PLB1: variants seen among roughly 807,000 people sequenced by gnomAD.
PLB1 encodes phospholipase B1.
PLB1 carries 242 observed loss-of-function variants against 227.4 expected under a neutral mutation model. The observed-to-expected ratio is 1.06, with a 90% CI of 0.96 to 1.18. The LOEUF (loss-of-function observed/expected upper bound fraction) is 1.18, where lower values mean the gene tolerates loss of function less well. Among genes scored for constraint, PLB1 ranks in the 50% most tolerant of loss-of-function variants. The pLI, the probability that PLB1 is intolerant of heterozygous loss-of-function variation, is 0.00. For synonymous variants in PLB1, 757 were observed against 682.2 expected (o/e 1.11, Z -1.71); for missense variants, 1,858 against 1,816.3 (o/e 1.02, Z -0.42).
intron 20 of PLB1, among the ~76,000 whole-genome samples, chr2:28,569,639 G>A (rs1299527462): frequency 6.6e-6 from 1 of 152,112 alleles, no homozygotes; most frequent in African/African-American, 2.4e-5. Flanking sequence ...TTCCTAGAAA[G>A]GCACAAACTA....
At position 28,540,076 on chromosome 2, in the gene PLB1, C is replaced by A. The variant is rs375962537; in HGVS notation, c.699-290C>A. Among the ~76,000 whole-genome samples, 11 of 139,004 alleles carry A rather than the reference C, an allele frequency of 7.9e-5. 1 individual carries two copies. The highest frequency in any genetic ancestry group is 2.2e-4 in the African/African-American group (8 of 36,786). The allele number at this position is 139,004 out of a possible 152,430, so 91.2% of individuals were successfully genotyped here. A position where few individuals can be genotyped will look rare whatever the true frequency, so the allele number is the denominator to read the frequency against. Reference sequence around the variant, plus strand: ...CCTACCCCCTAACCCATACCCACCCCCTAGGGAGAGCTTCCCTCCATCCCA... The same window carrying A: ...CCTACCCCCTAACCCATACCCACCCACTAGGGAGAGCTTCCCTCCATCCCA... On this transcript the variant is annotated intron_variant, in intron 11 of 57. Coordinates refer to ENST00000327757, the MANE Select transcript of PLB1 (RefSeq NM_153021.5).
At chr2:28,639,332 C>CAA (rs34467682) in intron 56 of PLB1, among the ~76,000 whole-genome samples, 28 of 125,036 alleles carry the variant, frequency 2.2e-4, no homozygotes, top group African/African-American at 8.1e-4. Flanking sequence ...AAGTTGAAGA[C>CAA]AAAAAAAAAA....
Position 28,592,720 on chromosome 2 carries a change from G to A in PLB1, c.2247+1G>A, listed in dbSNP as rs756768383. On this transcript the variant is annotated splice_donor_variant, in intron 32 of 57. Transcript: ENST00000327757. LOFTEE classifies it high-confidence loss of function. ...GGCTGCTCTGGGGGATTCTCTGACC[G>A]TAAGGACTCTTGGGCCCCAGGTGGT... 5.7e-5 allele frequency: 92 copies of A among 1,613,712 alleles called. No individual in the cohort carries two copies. Among genetic ancestry groups the A allele is most frequent in the Non-Finnish European group, 7.5e-5 (88 of 1,179,854 alleles).
At position 28,573,859 on chromosome 2, in the gene PLB1, A is replaced by C. The variant is rs1573071177; in HGVS notation, c.1433+554A>C. Among the ~76,000 whole-genome samples the C allele has an allele frequency of 2.0e-5, 3 of 152,214 alleles. No homozygotes were observed. The East Asian group carries it at 5.8e-4, about 29-fold the overall frequency. Reference sequence around the variant, plus strand: ...AAGCTCAAATGCCATATTGGATACGAAAGTTCTGGTGAGCTGTAAATAGTG... The same window carrying C: ...AAGCTCAAATGCCATATTGGATACGCAAGTTCTGGTGAGCTGTAAATAGTG... On this transcript the variant is annotated intron_variant, in intron 21 of 57. Transcript: ENST00000327757.
intron 21 of PLB1, among the ~76,000 whole-genome samples, chr2:28,574,894 C>T (rs1484349340): frequency 6.6e-6 from 1 of 152,158 alleles, no homozygotes; most frequent in Non-Finnish European, 1.5e-5. Context: ...ATATATACCA[C>T]ATTTTTTTAT....
In PLB1 at chr2:28,629,094, C is replaced by T; in HGVS notation, c.3727C>T (p.Leu1243Phe). The T allele has an allele frequency of 6.2e-7, 1 of 1,613,164 alleles. No homozygotes were observed. The highest frequency in any genetic ancestry group is 8.5e-7 in the Non-Finnish European group (1 of 1,179,488). Reference sequence around the variant, plus strand: ...CGAAACCACCCTCCACTCCCTGCAGCTCCCAAGGGCTTTCGTCAACGTGGT... The same window carrying T: ...CGAAACCACCCTCCACTCCCTGCAGTTCCCAAGGGCTTTCGTCAACGTGGT... ...QQALDILSEE[L>F]PRAFVNVVEV... The change falls in exon 53 of 58, where the codon CTC (leucine) becomes TTC (phenylalanine). Residue 1243 changes from leucine to phenylalanine, a missense_variant and splice_region_variant. By Grantham distance (22) the Leu-to-Phe change is conservative (BLOSUM62 0). Transcript: ENST00000327757.
intron 20 of PLB1, 33 bp from the exon 21 acceptor site, chr2:28,573,164 G>GTC (rs1678304680): frequency 6.5e-7 from 1 of 1,536,916 alleles, no homozygotes; most frequent in Admixed American, 1.7e-5. Flanking sequence ...CTTTGCAGTA[G>GTC]TCACTAAGCG....
chr2:28,577,124 C>T (rs1387909542), intron 21 of PLB1, among the ~76,000 whole-genome samples: 6 of 152,190 alleles, frequency 3.9e-5, no homozygotes, highest in Non-Finnish European at 8.8e-5. Flanking sequence ...TTACCATGCT[C>T]ATTTCCCAAA....
intron 17 of PLB1, among the ~76,000 whole-genome samples, chr2:28,561,313 CAAACTCA>C (rs1406105488): frequency 4.1e-5 from 1 of 24,382 alleles, no homozygotes; most frequent in African/African-American, 7.2e-5. Context: ...ACGGAATGCT[CAAACTCA>C]AAAGATAAAA....
chr2:28,602,995 C>CCT, intron 39 of PLB1, 74 bp downstream of exon 39: 1 of 1,305,910 alleles, frequency 7.7e-7, no homozygotes, highest in South Asian at 1.2e-5. Context: ...AGTGGTGATG[C>CCT]CTCAGGGTCT....
At chr2:28,501,026 A>G (rs1378606794) in intron 1 of PLB1, among the ~76,000 whole-genome samples, 1 of 152,194 alleles carries the variant, frequency 6.6e-6, no homozygotes, top group Non-Finnish European at 1.5e-5. Flanking sequence ...TTATTTAGAA[A>G]CCAAGGTCCA....
At chr2:28,529,665 G>T in intron 7 of PLB1, 63 bp from the exon 8 acceptor site, 1 of 1,524,574 alleles carries the variant, frequency 6.6e-7, no homozygotes, top group Non-Finnish European at 9.1e-7. Context: ...CAAGGGGCAA[G>T]CTTCCAGCCC....
intron 19 of PLB1, 147 bp from the exon 20 acceptor site, chr2:28,566,649 G>GT (rs987150867): frequency 1.6e-4 from 136 of 837,150 alleles, no homozygotes; most frequent in South Asian, 2.6e-4. Context: ...TGCTTTTTCC[G>GT]TTTTTCTACT....
intron 14 of PLB1, among the ~76,000 whole-genome samples, chr2:28,547,306 G>A (rs534256517): frequency 1.3e-5 from 2 of 151,802 alleles, no homozygotes; most frequent in African/African-American, 4.8e-5. Context: ...TTTGACAGCC[G>A]CCTTGAATGT....
intron 18 of PLB1, among the ~76,000 whole-genome samples, chr2:28,564,367 G>A (rs1676525739): frequency 6.6e-6 from 1 of 152,192 alleles, no homozygotes; most frequent in South Asian, 2.1e-4. Context: ...CTATCCCTAT[G>A]CTGTGGCAGC....
chr2:28,498,158 T>TTA (rs1192851958), intron 1 of PLB1, among the ~76,000 whole-genome samples: 7 of 151,920 alleles, frequency 4.6e-5, no homozygotes. Context: ...CTTTTCTCGT[T>TTA]TAAGTCAATC....
Position 28,614,428 on chromosome 2 carries a change from G to A in PLB1, c.3195+332G>A, listed in dbSNP as rs78366721. ...GGAGAGGCAGCTGGTGTGATGTGGC[G>A]TTGACTTCTTGGAAGGTGGAGGCTG... On this transcript the variant is annotated intron_variant, in intron 44 of 57. Coordinates refer to ENST00000327757, the MANE Select transcript of PLB1 (RefSeq NM_153021.5). Among the ~76,000 whole-genome samples, 715 of 152,292 alleles carry A rather than the reference G, an allele frequency of 4.7e-3. 4 individuals are homozygous for A. The highest frequency in any genetic ancestry group is 0.016 in the African/African-American group (674 of 41,550).
At chr2:28,565,442 C>T in intron 19 of PLB1, 89 bp downstream of exon 19, 1 of 1,205,782 alleles carries the variant, frequency 8.3e-7, no homozygotes, top group South Asian at 1.4e-5. Flanking sequence ...ACGCCTTAAG[C>T]AGAAGGGTGG....
chr2:28,585,965 T>G lies in PLB1; in HGVS notation c.1815+123T>G. ...TGTGGGGGATGACCACTGACTAGTT[T>G]GCTGATTTTAAAACACCCTGAGACA... On this transcript the variant is annotated intron_variant, in intron 26 of 57. Transcript: ENST00000327757. The G allele has an allele frequency of 5.7e-6, 5 of 871,808 alleles. No individual in the cohort carries two copies. In the Admixed American group the frequency reaches 1.0e-4, roughly 18 times the overall value. The allele number at this position is 871,808 out of a possible 1,614,324, so 54.0% of individuals were successfully genotyped here. A position where few individuals can be genotyped will look rare whatever the true frequency, so the allele number is the denominator to read the frequency against.
Sources: allele counts gnomAD v4.1 joint callset (sites outside exome capture counted in the v4.1 genomes callset), GRCh38; gene constraint gnomAD v4.1.1; transcripts MANE v1.5; gene names NCBI Gene and HGNC (gene_info 2026-07-23, HGNC 2026-07-21).